The following NARS2 variants were observed in gnomAD, a reference collection of about 807,000 sequenced individuals.
NARS2 encodes the protein asparaginyl-tRNA synthetase 2, mitochondrial, also known as asparaginyl-tRNA synthetase.
NARS2 carries 60 observed loss-of-function variants against 62.9 expected under a neutral mutation model. That is an observed-to-expected ratio of 0.95 (90% CI 0.77 to 1.18). The LOEUF is 1.18. Among genes scored for constraint, NARS2 ranks in the 50% most tolerant of loss-of-function variants. The pLI is 0.00. For missense variants in NARS2, 619 were observed against 576.4 expected, an observed-to-expected ratio of 1.07 and a Z score of -0.76; for synonymous variants, 196 against 200.0, an observed-to-expected ratio of 0.98 and a Z score of 0.17.
intron 5 of NARS2, among the ~76,000 whole-genome samples, chr11:78,535,176 C>CA (rs371180934): frequency 1.1e-4 from 16 of 152,262 alleles, no homozygotes; most frequent in African/African-American, 3.6e-4. Context: ...TACATTGTGG[C>CA]AGATAGTGTG....
chr11:78,538,924 G>A (rs1855494575), intron 5 of NARS2, among the ~76,000 whole-genome samples: 1 of 140,862 alleles, frequency 7.1e-6, no homozygotes, highest in Admixed American at 7.7e-5. Context: ...GAACCTGGGA[G>A]GCGGAGCTTG....
chr11:78,529,265 G>A lies in NARS2; in HGVS notation c.595-329C>T, dbSNP rs559284248. Among the ~76,000 whole-genome samples the A allele has an allele frequency of 9.2e-5, 14 of 152,284 alleles. No individual in the cohort carries two copies. In the South Asian group the frequency reaches 2.7e-3, roughly 29 times the overall value. On this transcript the variant is annotated intron_variant, in intron 5 of 13. Transcript: ENST00000281038. ...GAAATTATGAATTAATTTTTAATGT[G>A]AAGAATTACATAACCTCAAAAGGTT... is the stretch of plus-strand genomic sequence containing the variant.
At chr11:78,465,454 G>A (rs546193298) in intron 11 of NARS2, among the ~76,000 whole-genome samples, 3 of 152,376 alleles carry the variant, frequency 2.0e-5, no homozygotes, top group East Asian at 1.9e-4. Context: ...CTACCAGCAC[G>A]CTGTCACCTC....
intron 7 of NARS2, among the ~76,000 whole-genome samples, chr11:78,485,393 A>C (rs551600393): frequency 6.6e-6 from 1 of 151,826 alleles, no homozygotes; most frequent in African/African-American, 2.4e-5. Context: ...CCCAGAACTT[A>C]AAGTAAAAAA....
At chr11:78,562,585 G>T (rs1023238300) in intron 4 of NARS2, among the ~76,000 whole-genome samples, 1 of 152,092 alleles carries the variant, frequency 6.6e-6, no homozygotes, top group African/African-American at 2.4e-5. Flanking sequence ...GAGGAAGAGG[G>T]GAAAGTAAGT....
At chr11:78,562,731 C>G (rs899104982) in intron 4 of NARS2, among the ~76,000 whole-genome samples, 2 of 152,156 alleles carry the variant, frequency 1.3e-5, no homozygotes, top group Admixed American at 1.3e-4. Flanking sequence ...AGTTTTAGTA[C>G]ATAACAAGTA....
Position 78,466,023 on chromosome 11 carries a change from G to C in NARS2, c.1027-10C>G. 1 of 1,575,496 alleles carries C rather than the reference G, an allele frequency of 6.3e-7. No homozygotes were observed. The highest frequency in any genetic ancestry group is 8.6e-7 in the Non-Finnish European group (1 of 1,165,384). On this transcript the variant is annotated splice_polypyrimidine_tract_variant and intron_variant, in intron 10 of 13. Transcript: ENST00000281038. ...GTAGGTCAGCACCCCACTGTAATGA[G>C]AAGAAAGAAATGACCAAAAGAGGAG... is the stretch of plus-strand genomic sequence containing the variant.
At chr11:78,512,046 G>C (rs1282179776) in intron 6 of NARS2, among the ~76,000 whole-genome samples, 5 of 152,150 alleles carry the variant, frequency 3.3e-5, no homozygotes, top group Admixed American at 6.5e-5. Context: ...AAGAACAAAA[G>C]AATCTGGAAC....
intron 6 of NARS2, among the ~76,000 whole-genome samples, chr11:78,519,290 T>C (rs2135406289): frequency 6.6e-6 from 1 of 152,186 alleles, no homozygotes; most frequent in East Asian, 1.9e-4. Context: ...CATGTACCAA[T>C]CACAAACTAA....
chr11:78,494,172 C>G (rs1859953781), intron 6 of NARS2, among the ~76,000 whole-genome samples: 1 of 152,168 alleles, frequency 6.6e-6, no homozygotes, highest in African/African-American at 2.4e-5. Context: ...TTCTTAAACT[C>G]CTATAGTGAA....
Position 78,574,650 on chromosome 11 carries a change from C to T in NARS2, c.-162G>A. 1.4e-6 allele frequency: 1 copy of T among 712,118 alleles called. No individual in the cohort carries two copies. Among genetic ancestry groups the T allele is most frequent in the Non-Finnish European group, 2.3e-6 (1 of 441,700 alleles). The allele number at this position is 712,118 out of a possible 1,614,324, so 44.1% of individuals were successfully genotyped here. A position where few individuals can be genotyped will look rare whatever the true frequency, so the allele number is the denominator to read the frequency against. On this transcript the variant is annotated 5_prime_UTR_variant, in exon 1 of 14. Coordinates refer to ENST00000281038, the MANE Select transcript of NARS2 (RefSeq NM_024678.6). ...TGCGCGCTTTCTCCTTCAGGACTCC[C>T]AGCTCTGTCCCCACAGAACCTCTCC...
chr11:78,471,026 T>C (rs1858849983), intron 9 of NARS2, among the ~76,000 whole-genome samples: 2 of 152,078 alleles, frequency 1.3e-5, no homozygotes, highest in African/African-American at 4.8e-5. Context: ...AAGAGTTGTA[T>C]TGTGTCATAC....
rs184695752 is a variant in NARS2 at position 78,574,654 on chromosome 11, T to C, written c.-166A>G. On this transcript the variant is annotated 5_prime_UTR_variant, in exon 1 of 14. Coordinates refer to ENST00000281038, the MANE Select transcript of NARS2 (RefSeq NM_024678.6). ...CGCTTTCTCCTTCAGGACTCCCAGCTCTGTCCCCACAGAACCTCTCCGCTT... is the reference window on the plus strand; with the variant it reads ...CGCTTTCTCCTTCAGGACTCCCAGCCCTGTCCCCACAGAACCTCTCCGCTT... The C allele has an allele frequency of 1.1e-5, 8 of 699,952 alleles. No homozygotes were observed. The East Asian group carries it at 2.0e-4, about 17-fold the overall frequency. 43.4% of individuals were successfully genotyped at this position (699,952 alleles called of 1,614,324 possible).
intron 6 of NARS2, among the ~76,000 whole-genome samples, chr11:78,528,516 T>C (rs926278048): frequency 4.6e-5 from 7 of 152,184 alleles, no homozygotes; most frequent in South Asian, 2.1e-4. Flanking sequence ...TAAAATGAAA[T>C]AGACTAATAC....
rs1857423369 is a variant in NARS2 at position 78,436,800 on chromosome 11, C to T, written c.1304G>A (p.Arg435His). ...TCCATGTGGCACAGATCCAAATCGACGAAGGTCCAGATACCTGTTTTTCAA... is the reference window on the plus strand; with the variant it reads ...TCCATGTGGCACAGATCCAAATCGATGAAGGTCCAGATACCTGTTTTTCAA... The part of the protein sequence containing the change: ...TEVYQWYLDL[R>H]RFGSVPHGGF... Residue 435 changes from arginine to histidine, a missense_variant, in exon 14 of 14, where the codon CGT (arginine) becomes CAT (histidine). Arg to His is a conservative substitution (Grantham distance 29, BLOSUM62 0). Transcript: ENST00000281038. The T allele has an allele frequency of 3.1e-6, 5 of 1,613,916 alleles. No individual in the cohort carries two copies. The highest frequency in any genetic ancestry group is 4.2e-6 in the Non-Finnish European group (5 of 1,179,896).
At chr11:78,523,829 G>A (rs569809080) in intron 6 of NARS2, among the ~76,000 whole-genome samples, 34 of 152,178 alleles carry the variant, frequency 2.2e-4, no homozygotes, top group African/African-American at 7.7e-4. Context: ...AGAGGATAGG[G>A]AGTGAATGCT....
chr11:78,542,480 T>C (rs1855657546), intron 5 of NARS2, among the ~76,000 whole-genome samples: 1 of 152,160 alleles, frequency 6.6e-6, no homozygotes, highest in Non-Finnish European at 1.5e-5. Context: ...TTATTCATTG[T>C]CAGATTGGGG....
chr11:78,530,001 T>C (rs1861421927), intron 5 of NARS2, among the ~76,000 whole-genome samples: 1 of 152,228 alleles, frequency 6.6e-6, no homozygotes, highest in Non-Finnish European at 1.5e-5. Flanking sequence ...TTTAATTTCA[T>C]TGGTTGTTCT....
At chr11:78,574,153 A>G (rs2135553890) in intron 1 of NARS2, among the ~76,000 whole-genome samples, 195 bp downstream of exon 1, 1 of 152,372 alleles carries the variant, frequency 6.6e-6, no homozygotes, top group Non-Finnish European at 1.5e-5. Flanking sequence ...GCAAAGTTCC[A>G]GCGCTTTACA....
Sources: allele counts gnomAD v4.1 joint callset (sites outside exome capture counted in the v4.1 genomes callset), GRCh38; gene constraint gnomAD v4.1.1; transcripts MANE v1.5; gene names NCBI Gene and HGNC (gene_info 2026-07-23, HGNC 2026-07-21).